Variants in DNAJC15 observed in about 807,000 individuals in gnomAD.
DNAJC15 encodes dnaJ homolog subfamily C member 15.
Under a neutral mutation model 22.4 loss-of-function variants are expected in DNAJC15, and 27 were observed. The observed-to-expected ratio is 1.20, with a 90% CI of 0.89 to 1.66. The LOEUF is 1.66. Ranked by LOEUF, DNAJC15 falls within the 40% of genes most tolerant of loss-of-function variation. The probability of loss-of-function intolerance (pLI) is 0.00; values close to 1 mark genes in which losing one functional copy is unlikely to be tolerated. For missense variants in DNAJC15, 208 were observed against 187.1 expected (o/e 1.11, Z -0.65); for synonymous variants, 79 against 63.2 (o/e 1.25, Z -1.19).
chr13:43,065,908 C>G (rs1183794616), intron 2 of DNAJC15, among the ~76,000 whole-genome samples, 171 bp downstream of exon 2: 1 of 152,050 alleles, frequency 6.6e-6, no homozygotes, highest in African/African-American at 2.4e-5. Flanking sequence ...GTAGCAAAAT[C>G]TAGATAAACT....
At chr13:43,104,048 A>T (rs1174337733) in intron 5 of DNAJC15, among the ~76,000 whole-genome samples, 3 of 152,170 alleles carry the variant, frequency 2.0e-5, no homozygotes, top group Non-Finnish European at 2.9e-5. Context: ...AATCAACTTT[A>T]TTGAGATATA....
At chr13:43,028,974 C>G (rs1385314825) in intron 1 of DNAJC15, among the ~76,000 whole-genome samples, 1 of 152,198 alleles carries the variant, frequency 6.6e-6, no homozygotes, top group Non-Finnish European at 1.5e-5. Flanking sequence ...GTATCTGTAT[C>G]TGTGATTGGC....
chr13:43,082,069 A>G (rs2040664517), intron 4 of DNAJC15, among the ~76,000 whole-genome samples: 1 of 151,932 alleles, frequency 6.6e-6, no homozygotes, highest in African/African-American at 2.4e-5. Flanking sequence ...GTTACCTCCC[A>G]CCGGTTCCCC....
chr13:43,042,881 A>G (rs2040460252), intron 1 of DNAJC15, among the ~76,000 whole-genome samples: 1 of 152,218 alleles, frequency 6.6e-6, no homozygotes, highest in Non-Finnish European at 1.5e-5. Context: ...GTGTTTGACT[A>G]ACTGGGTAAG....
chr13:43,044,356 T>C (rs1458767891), intron 1 of DNAJC15, among the ~76,000 whole-genome samples: 1 of 152,186 alleles, frequency 6.6e-6, no homozygotes. Context: ...CCATTTACCC[T>C]CTAGGTGTTA....
chr13:43,048,291 CCA>C lies in DNAJC15; in HGVS notation c.109-17394_109-17393del, dbSNP rs979253998. On this transcript the variant is annotated intron_variant, in intron 1 of 5. Transcript: ENST00000379221. Reference sequence around the variant, plus strand: ...GGTCAGGAGTTCAAGACCAGCCTGACCAAAATGGAGAAACCTCGTCTCTACTA... The same window carrying C: ...GGTCAGGAGTTCAAGACCAGCCTGACAAATGGAGAAACCTCGTCTCTACTA... Among the ~76,000 whole-genome samples, 14 of 142,826 alleles carry C rather than the reference CCA, an allele frequency of 9.8e-5. No homozygotes were observed. In the Admixed American group the frequency reaches 1.0e-3, roughly 11 times the overall value. The allele number at this position is 142,826 out of a possible 152,430, so 93.7% of individuals were successfully genotyped here. A position where few individuals can be genotyped will look rare whatever the true frequency, so the allele number is the denominator to read the frequency against.
rs186349213 is a variant in DNAJC15 at position 43,082,914 on chromosome 13, A to G, written c.312-2854A>G. Among the ~76,000 whole-genome samples the G allele has an allele frequency of 2.3e-4, 34 of 150,646 alleles. No individual in the cohort carries two copies. In the East Asian group the frequency reaches 5.5e-3, roughly 24 times the overall value. The stretch of plus-strand genomic sequence containing the variant: ...TGTGTATATATATGTGTGTGTGTGT[A>G]TATATATATGAAATTTGGATTTTAC... On this transcript the variant is annotated intron_variant, in intron 4 of 5. Transcript: ENST00000379221.
intron 1 of DNAJC15, among the ~76,000 whole-genome samples, chr13:43,059,964 A>G (rs1216341685): frequency 5.3e-5 from 8 of 152,218 alleles, no homozygotes; most frequent in Admixed American, 5.2e-4. Context: ...TGGGGCAGAA[A>G]CAAATCACAA....
intron 5 of DNAJC15, among the ~76,000 whole-genome samples, chr13:43,099,644 T>C (rs9533387): frequency 0.01 from 1,552 of 152,288 alleles, 10 homozygotes; most frequent in Admixed American, 0.018. Flanking sequence ...GAGATCATTA[T>C]GTGAATTTTT....
intron 5 of DNAJC15, among the ~76,000 whole-genome samples, chr13:43,102,451 G>A (rs995184835): frequency 6.6e-6 from 1 of 151,938 alleles, no homozygotes; most frequent in African/African-American, 2.4e-5. Flanking sequence ...ATGAATGTGT[G>A]TTGAATTTTC....
At chr13:43,051,661 G>GTGTA (rs899772980) in intron 1 of DNAJC15, among the ~76,000 whole-genome samples, 8 of 78,108 alleles carry the variant, frequency 1.0e-4, no homozygotes, top group African/African-American at 2.5e-4. Context: ...GTGTGTGTGT[G>GTGTA]TATATATATC....
intron 5 of DNAJC15, among the ~76,000 whole-genome samples, chr13:43,094,813 T>C (rs1296935146): frequency 4.6e-5 from 7 of 152,202 alleles, no homozygotes; most frequent in Admixed American, 4.6e-4. Flanking sequence ...AGCAGCAGCC[T>C]TCTTGTGTCC....
At position 43,113,321 on chromosome 13, in the gene DNAJC15, T is replaced by C. The variant is rs1327039301; in HGVS notation, c.*6073T>C. ...AATTGAAAGGGAATTTCAGTACTTT[T>C]ATAGAATTCTTAAAAATTGTTTCCT... is the stretch of plus-strand genomic sequence containing the variant. On this transcript the variant is annotated 3_prime_UTR_variant, in exon 6 of 6. Transcript: ENST00000379221. 1.3e-5 allele frequency: 2 copies of C among 152,248 alleles called. No homozygotes were observed. The highest frequency in any genetic ancestry group is 4.8e-5 in the African/African-American group (2 of 41,470). The allele number at this position is 152,248 out of a possible 1,614,324, so 9.4% of individuals were successfully genotyped here. A position where few individuals can be genotyped will look rare whatever the true frequency, so the allele number is the denominator to read the frequency against.
intron 1 of DNAJC15, among the ~76,000 whole-genome samples, chr13:43,044,552 T>C (rs183592839): frequency 1.3e-5 from 2 of 152,328 alleles, no homozygotes; most frequent in Admixed American, 1.3e-4. Flanking sequence ...CTCTTCTCTT[T>C]TCCTTTTAGT....
At chr13:43,103,388 G>C (rs1247319063) in intron 5 of DNAJC15, among the ~76,000 whole-genome samples, 1 of 152,160 alleles carries the variant, frequency 6.6e-6, no homozygotes, top group Admixed American at 6.5e-5. Flanking sequence ...TTTTACAGGG[G>C]TACACTGTTA....
intron 1 of DNAJC15, among the ~76,000 whole-genome samples, chr13:43,032,679 G>T (rs2040408986): frequency 6.6e-6 from 1 of 152,080 alleles, no homozygotes. Flanking sequence ...ACAAAAATTA[G>T]CTGGGTGTGA....
intron 4 of DNAJC15, among the ~76,000 whole-genome samples, chr13:43,079,384 G>A (rs1482011055): frequency 3.9e-5 from 6 of 152,014 alleles, no homozygotes; most frequent in Non-Finnish European, 5.9e-5. Context: ...TTGATATCTT[G>A]TAAATTTTTT....
chr13:43,042,254 AAC>A (rs376866460), intron 1 of DNAJC15, among the ~76,000 whole-genome samples: 3 of 152,354 alleles, frequency 2.0e-5, no homozygotes, highest in African/African-American at 7.2e-5. Context: ...ATTAACAACA[AAC>A]AATGCAATGG....
At chr13:43,065,530 C>A (rs576225734) in intron 1 of DNAJC15, among the ~76,000 whole-genome samples, 156 bp from the exon 2 acceptor site, 114 of 152,174 alleles carry the variant, frequency 7.5e-4, no homozygotes, top group Non-Finnish European at 1.4e-3. Flanking sequence ...CAGATATAAT[C>A]CCATAGACAC....
Sources: gnomAD v4.1 joint callset for allele counts (sites outside exome capture counted in the v4.1 genomes callset) on GRCh38, gnomAD v4.1.1 for gene constraint, MANE v1.5 for transcripts, NCBI Gene and HGNC (gene_info 2026-07-23, HGNC 2026-07-21) for gene names.